Variants in TNR observed in about 807,000 individuals in gnomAD.
TNR encodes the protein tenascin R.
Under a neutral mutation model 150.4 loss-of-function variants are expected in TNR, and 45 were observed. The ratio of observed to expected loss-of-function variants is 0.30; its 90% CI spans 0.24 to 0.38. The LOEUF is 0.38. Ranked by LOEUF, TNR falls within the 10% of genes least tolerant of loss-of-function variation. The probability of loss-of-function intolerance (pLI) is 1.00; values close to 1 mark genes in which losing one functional copy is unlikely to be tolerated. For synonymous variants in TNR, 687 were observed against 678.4 expected (o/e 1.01, Z -0.20); for missense variants, 1,544 against 1,759.1 (o/e 0.88, Z 2.19).
At chr1:175,664,087 G>C (rs923029046) in intron 1 of TNR, among the ~76,000 whole-genome samples, 2 of 152,238 alleles carry the variant, frequency 1.3e-5, no homozygotes, top group Non-Finnish European at 2.9e-5. Flanking sequence ...GTGTTAGGAG[G>C]GAGGCTAGGC....
chr1:175,624,440 C>T (rs1664080454), intron 1 of TNR, among the ~76,000 whole-genome samples: 1 of 151,946 alleles, frequency 6.6e-6, no homozygotes, highest in African/African-American at 2.4e-5. Context: ...TGACTGGTAT[C>T]TTTATAAAAA....
intron 1 of TNR, among the ~76,000 whole-genome samples, chr1:175,644,067 A>G (rs1407271265): frequency 6.6e-6 from 1 of 152,244 alleles, no homozygotes; most frequent in African/African-American, 2.4e-5. Flanking sequence ...TTAAAAAGTC[A>G]AAGTACAGAA....
chr1:175,417,379 T>C (rs1177340802), intron 2 of TNR, among the ~76,000 whole-genome samples: 5 of 152,082 alleles, frequency 3.3e-5, no homozygotes, highest in Non-Finnish European at 5.9e-5. Flanking sequence ...CAAAGTTAAC[T>C]GGAGCCCCCA....
rs369394457 is a variant in TNR, at chr1:175,406,382, C to T, written c.333G>A (p.Gln111=). The T allele has an allele frequency of 5.0e-5, 81 of 1,614,060 alleles. No homozygotes were observed. The highest frequency in any genetic ancestry group is 6.5e-5 in the Non-Finnish European group (77 of 1,180,046). The change falls in exon 3 of 23, where the codon CAG becomes CAA. Residue 111 remains glutamine, a synonymous_variant. Transcript: ENST00000367674. ...YMGQTSDHES[Q]VTFTHRINFP... ...AGTTGATCCTGTGTGTAAAGGTGAC[C>T]TGGCTCTCGTGGTCTGAGGTCTGGC...
chr1:175,729,793 C>A (rs574611299), intron 1 of TNR, among the ~76,000 whole-genome samples: 2 of 152,248 alleles, frequency 1.3e-5, no homozygotes, highest in South Asian at 2.1e-4. Flanking sequence ...AGCACAGCAT[C>A]CCCTGGAATT....
intron 4 of TNR, among the ~76,000 whole-genome samples, chr1:175,399,264 A>C (rs1399295448): frequency 1.3e-5 from 2 of 152,164 alleles, no homozygotes; most frequent in Non-Finnish European, 2.9e-5. Context: ...AGAAATGGCC[A>C]CTCCAAATTT....
intron 2 of TNR, among the ~76,000 whole-genome samples, chr1:175,477,854 C>T (rs1657616708): frequency 6.6e-6 from 1 of 152,238 alleles, no homozygotes; most frequent in African/African-American, 2.4e-5. Context: ...GAGTGTTTCA[C>T]TCCCTTCCGC....
chr1:175,664,704 A>G (rs1665480320), intron 1 of TNR, among the ~76,000 whole-genome samples: 1 of 152,254 alleles, frequency 6.6e-6, no homozygotes, highest in Non-Finnish European at 1.5e-5. Context: ...ACATTTACAT[A>G]AACAACCAAT....
chr1:175,520,463 A>T (rs1051738454), intron 2 of TNR, among the ~76,000 whole-genome samples: 1 of 152,190 alleles, frequency 6.6e-6, no homozygotes, highest in Non-Finnish European at 1.5e-5. Context: ...ACTTAGCCAC[A>T]TACTCGTATA....
chr1:175,568,809 A>G (rs1380781277), intron 1 of TNR, among the ~76,000 whole-genome samples: 2 of 152,190 alleles, frequency 1.3e-5, no homozygotes, highest in Admixed American at 1.3e-4. Flanking sequence ...GCTTCCAGAT[A>G]GATGAAATGG....
chr1:175,326,856 C>G (rs998201627), intron 21 of TNR, among the ~76,000 whole-genome samples: 1 of 151,946 alleles, frequency 6.6e-6, no homozygotes, highest in African/African-American at 2.4e-5. Flanking sequence ...TCAGTAGAGA[C>G]GAGGTTTCAC....
intron 1 of TNR, among the ~76,000 whole-genome samples, chr1:175,569,594 C>T (rs776942085): frequency 1.3e-5 from 2 of 152,116 alleles, no homozygotes; most frequent in African/African-American, 2.4e-5. Context: ...TTGTTTTGAC[C>T]GGTACTCATA....
chr1:175,720,828 C>G (rs959311979), intron 1 of TNR, among the ~76,000 whole-genome samples: 2 of 152,212 alleles, frequency 1.3e-5, no homozygotes, highest in Non-Finnish European at 2.9e-5. Context: ...TTTTAGAAAA[C>G]TATATAGCTT....
At chr1:175,416,438 T>G (rs958678015) in intron 2 of TNR, among the ~76,000 whole-genome samples, 1 of 152,220 alleles carries the variant, frequency 6.6e-6, no homozygotes, top group East Asian at 1.9e-4. Context: ...CTACACCATT[T>G]TGGTCAGAAA....
intron 1 of TNR, among the ~76,000 whole-genome samples, chr1:175,705,771 A>T (rs1666830144): frequency 6.6e-6 from 1 of 152,230 alleles, no homozygotes; most frequent in Non-Finnish European, 1.5e-5. Context: ...CAGGATATTA[A>T]CAAATATAAG....
intron 1 of TNR, among the ~76,000 whole-genome samples, chr1:175,630,292 C>T (rs919267605): frequency 6.6e-6 from 1 of 152,230 alleles, no homozygotes; most frequent in Non-Finnish European, 1.5e-5. Context: ...GAACTCTTGT[C>T]TTATCCCTAG....
At chr1:175,436,829 T>C (rs996354085) in intron 2 of TNR, among the ~76,000 whole-genome samples, 1 of 151,912 alleles carries the variant, frequency 6.6e-6, no homozygotes, top group African/African-American at 2.4e-5. Context: ...AACAAGAACT[T>C]ACTATCCTAA....
intron 2 of TNR, among the ~76,000 whole-genome samples, chr1:175,418,405 G>A (rs1377035522): frequency 1.3e-5 from 2 of 152,168 alleles, no homozygotes; most frequent in African/African-American, 4.8e-5. Flanking sequence ...GAATGAGAAA[G>A]ATTTTGAAAG....
chr1:175,735,318 G>A (rs1247189336), intron 1 of TNR, among the ~76,000 whole-genome samples: 2 of 152,190 alleles, frequency 1.3e-5, no homozygotes, highest in South Asian at 4.1e-4. Flanking sequence ...GGGAAAGAGG[G>A]CACCGTGACT....
Sources: allele counts gnomAD v4.1 joint callset (sites outside exome capture counted in the v4.1 genomes callset), GRCh38; gene constraint gnomAD v4.1.1; transcripts MANE v1.5; gene names NCBI Gene and HGNC (gene_info 2026-07-23, HGNC 2026-07-21).